UNC5D: variants seen among roughly 807,000 people sequenced by gnomAD.
UNC5D encodes the protein unc-5 netrin receptor D, also known as netrin receptor UNC5D.
UNC5D carries 39 observed loss-of-function variants against 105.4 expected under a neutral mutation model. That is an observed-to-expected ratio of 0.37 (90% CI 0.29 to 0.48). The LOEUF (loss-of-function observed/expected upper bound fraction) is 0.48, where lower values mean the gene tolerates loss of function less well. Among genes scored for constraint, UNC5D ranks in the 20% least tolerant of loss-of-function variants. UNC5D has a pLI of 0.98. For missense variants in UNC5D, 991 were observed against 1,202.4 expected (o/e 0.82, Z 2.60); for synonymous variants, 452 against 450.4 (o/e 1.00, Z -0.04).
At chr8:35,756,567 AG>A (rs1232789960) in intron 13 of UNC5D, among the ~76,000 whole-genome samples, 4,866 of 149,078 alleles carry the variant, frequency 0.033, 174 homozygotes, top group African/African-American at 0.094. Context: ...AAAAAAAAAA[AG>A]AAAAAAAGAA....
intron 1 of UNC5D, among the ~76,000 whole-genome samples, chr8:35,243,147 C>A (rs572611355): frequency 3.4e-4 from 51 of 152,136 alleles, no homozygotes; most frequent in African/African-American, 1.1e-3. Flanking sequence ...CATCTGGGGG[C>A]CATGGATGAT....
intron 1 of UNC5D, among the ~76,000 whole-genome samples, chr8:35,332,904 C>T (rs1810732746): frequency 6.6e-6 from 1 of 152,198 alleles, no homozygotes; most frequent in African/African-American, 2.4e-5. Flanking sequence ...CCTCTAGGAA[C>T]TCTAAATCTT....
chr8:35,722,162 G>A (rs778965705), intron 8 of UNC5D, 48 bp from the exon 9 acceptor site: 4 of 1,590,022 alleles, frequency 2.5e-6, no homozygotes, highest in Non-Finnish European at 3.4e-6. Flanking sequence ...GTGGTTCTTT[G>A]ACTTTGTGCC....
intron 1 of UNC5D, among the ~76,000 whole-genome samples, chr8:35,268,373 ATAG>A (rs1785704503): frequency 6.6e-6 from 1 of 152,166 alleles, no homozygotes; most frequent in African/African-American, 2.4e-5. Flanking sequence ...TTTTGGTCTC[ATAG>A]ATTCCTTACA....
intron 10 of UNC5D, among the ~76,000 whole-genome samples, chr8:35,728,888 T>G (rs938183121): frequency 2.0e-5 from 3 of 152,198 alleles, no homozygotes; most frequent in Non-Finnish European, 4.4e-5. Context: ...CAGAGGTAAC[T>G]GGCCAATGAC....
At position 35,281,046 on chromosome 8, in the gene UNC5D, G is replaced by A. The variant is rs967749476; in HGVS notation, c.103+45159G>A. ...CACAAAGCCTTCTTTTTCTGTTCCC[G>A]TTGCCGGAACTCACTCAGCTCTTCA... On this transcript the variant is annotated intron_variant, in intron 1 of 16. Transcript: ENST00000404895. Among the ~76,000 whole-genome samples, 8 of 152,036 alleles carry A rather than the reference G, an allele frequency of 5.3e-5. No homozygotes were observed. In the East Asian group the frequency reaches 5.8e-4, roughly 11 times the overall value.
At chr8:35,284,483 A>G (rs1425154117) in intron 1 of UNC5D, among the ~76,000 whole-genome samples, 1 of 152,212 alleles carries the variant, frequency 6.6e-6, no homozygotes, top group African/African-American at 2.4e-5. Context: ...TATCACTGGC[A>G]TATAAACCAC....
At chr8:35,561,468 C>A (rs746019273) in intron 2 of UNC5D, among the ~76,000 whole-genome samples, 6 of 152,170 alleles carry the variant, frequency 3.9e-5, no homozygotes, top group Non-Finnish European at 5.9e-5. Flanking sequence ...GTGTCAACTT[C>A]TTCCTTCATA....
intron 1 of UNC5D, among the ~76,000 whole-genome samples, chr8:35,321,727 A>G (rs1809759006): frequency 6.6e-6 from 1 of 152,182 alleles, no homozygotes; most frequent in Admixed American, 6.5e-5. Flanking sequence ...CAAACAAACT[A>G]TATAGGCAGA....
At chr8:35,300,739 G>A (rs1175029573) in intron 1 of UNC5D, among the ~76,000 whole-genome samples, 4 of 152,150 alleles carry the variant, frequency 2.6e-5, no homozygotes, top group African/African-American at 9.7e-5. Context: ...CCCACAGGGT[G>A]TGGATTAGTA....
intron 4 of UNC5D, among the ~76,000 whole-genome samples, chr8:35,610,022 A>G (rs1188845296): frequency 6.6e-6 from 1 of 152,168 alleles, no homozygotes; most frequent in Admixed American, 6.5e-5. Context: ...GAAAAGTGTT[A>G]TGAATAATAA....
intron 2 of UNC5D, among the ~76,000 whole-genome samples, chr8:35,563,577 ACTTTTT>A (rs1817114983): frequency 6.6e-6 from 1 of 151,856 alleles, no homozygotes; most frequent in African/African-American, 2.4e-5. Context: ...GGCTAATTTG[ACTTTTT>A]CCTCTCCAAA....
At chr8:35,701,822 C>A (rs1422104722) in intron 7 of UNC5D, among the ~76,000 whole-genome samples, 1 of 150,994 alleles carries the variant, frequency 6.6e-6, no homozygotes, top group Non-Finnish European at 1.5e-5. Context: ...AAGAGCTAGG[C>A]TTGTATATAT....
At chr8:35,343,442 A>G (rs1811595005) in intron 1 of UNC5D, among the ~76,000 whole-genome samples, 1 of 152,122 alleles carries the variant, frequency 6.6e-6, no homozygotes, top group South Asian at 2.1e-4. Context: ...GAATACTTTC[A>G]TTGTATGATA....
chr8:35,398,564 C>T (rs10503979), intron 1 of UNC5D, among the ~76,000 whole-genome samples: 80,796 of 151,512 alleles, frequency 0.53, 22,289 homozygotes, highest in East Asian at 0.71. Flanking sequence ...TTATTCCACT[C>T]GCTGTATTCT....
At chr8:35,604,205 T>C (rs1326039082) in intron 4 of UNC5D, among the ~76,000 whole-genome samples, 1 of 152,174 alleles carries the variant, frequency 6.6e-6, no homozygotes, top group Non-Finnish European at 1.5e-5. Flanking sequence ...CCATGTTTAG[T>C]GCTTCATTCA....
At chr8:35,670,729 G>A (rs1476597765) in intron 4 of UNC5D, among the ~76,000 whole-genome samples, 1 of 152,030 alleles carries the variant, frequency 6.6e-6, no homozygotes, top group Non-Finnish European at 1.5e-5. Flanking sequence ...GGCAAGGGGA[G>A]GGAGAGCATT....
In UNC5D at chr8:35,432,113, T is replaced by C. The variant is rs529683949; in HGVS notation, c.104-117179T>C. On this transcript the variant is annotated intron_variant, in intron 1 of 16. Coordinates refer to ENST00000404895, the MANE Select transcript of UNC5D (RefSeq NM_080872.4). ...TTGGAATTCTGGATCTATAATATAC[T>C]AGCTGTGTGACCTTAGGTAAGTTAT... Among the ~76,000 whole-genome samples, 4 of 152,302 alleles carry C rather than the reference T, an allele frequency of 2.6e-5. No homozygotes were observed. The South Asian group carries it at 8.3e-4, about 32-fold the overall frequency.
chr8:35,450,891 TA>T (rs1384168098), intron 1 of UNC5D, among the ~76,000 whole-genome samples: 1 of 152,176 alleles, frequency 6.6e-6, no homozygotes, highest in Non-Finnish European at 1.5e-5. Flanking sequence ...TAGGCTAAAG[TA>T]AGTGCTCTGA....
Sources: gnomAD v4.1 joint callset for allele counts (sites outside exome capture counted in the v4.1 genomes callset) on GRCh38, gnomAD v4.1.1 for gene constraint, MANE v1.5 for transcripts, NCBI Gene and HGNC (gene_info 2026-07-23, HGNC 2026-07-21) for gene names.